The following DHRSX variants were observed in gnomAD, a reference collection of about 807,000 sequenced individuals.
The protein encoded by DHRSX is dehydrogenase/reductase X-linked.
In DHRSX, 31 loss-of-function variants were observed where a neutral mutation model predicts 34.0. The ratio of observed to expected loss-of-function variants is 0.91; its 90% CI spans 0.69 to 1.23. The LOEUF (loss-of-function observed/expected upper bound fraction) is 1.23, where lower values mean the gene tolerates loss of function less well. DHRSX is among the 50% of genes most tolerant of loss of function. DHRSX has a pLI of 0.00. For missense variants in DHRSX, 414 were observed against 428.1 expected (o/e 0.97, Z 0.29); for synonymous variants, 201 against 183.8 (o/e 1.09, Z -0.76).
chrX:2,493,707 C>T (rs1037041148), intron 1 of DHRSX, among the ~76,000 whole-genome samples: 4 of 152,082 alleles, frequency 2.6e-5, no homozygotes, highest in African/African-American at 7.2e-5. Context: ...CAGCGGCTCA[C>T]GCCTGTACTC....
chrX:2,470,116 A>G (rs1049534914), intron 1 of DHRSX, among the ~76,000 whole-genome samples: 3 of 151,272 alleles, frequency 2.0e-5, no homozygotes, highest in Admixed American at 6.7e-5. Flanking sequence ...GGACTGGAAG[A>G]TACAATGTGA....
At chrX:2,306,357 T>C (rs1165938488) in intron 3 of DHRSX, among the ~76,000 whole-genome samples, 1 of 151,984 alleles carries the variant, frequency 6.6e-6, no homozygotes, top group South Asian at 2.1e-4. Context: ...GGCAGAATGC[T>C]CACTGGGTGC....
intron 1 of DHRSX, among the ~76,000 whole-genome samples, chrX:2,444,305 C>T (rs2044100336): frequency 6.6e-6 from 1 of 152,186 alleles, no homozygotes; most frequent in Non-Finnish European, 1.5e-5. Flanking sequence ...ACTCTCAGCT[C>T]ACAGGCTTTC....
In DHRSX at chrX:2,343,630, G is replaced by A. The variant is rs775816544; in HGVS notation, c.287-52027C>T. On this transcript the variant is annotated intron_variant, in intron 3 of 6. Transcript: ENST00000334651. ...TTGTAATCATTACGCAGCATCCACC[G>A]CAAAAGGCTCTGCCCCACTGATATC... Among the ~76,000 whole-genome samples, 8 of 152,212 alleles carry A rather than the reference G, an allele frequency of 5.3e-5. No homozygotes were observed. In the South Asian group the frequency reaches 8.3e-4, roughly 16 times the overall value.
chrX:2,489,774 GGCAGCGCGACA>G, intron 1 of DHRSX: 3 of 1,613,368 alleles, frequency 1.9e-6, no homozygotes, highest in Non-Finnish European at 2.5e-6. Flanking sequence ...ACCAGTTTGC[GGCAGCGCGACA>G]GCAGCGCCCC....
intron 2 of DHRSX, among the ~76,000 whole-genome samples, chrX:2,421,306 G>T (rs986795169): frequency 1.3e-5 from 2 of 152,172 alleles, no homozygotes; most frequent in African/African-American, 4.8e-5. Context: ...CTTGAGCCCA[G>T]GAGGCAGAGG....
intron 5 of DHRSX, among the ~76,000 whole-genome samples, chrX:2,259,367 T>TATAG (rs1569480936): frequency 3.7e-5 from 3 of 80,326 alleles, no homozygotes; most frequent in African/African-American, 8.6e-5. Flanking sequence ...TAGATATAGA[T>TATAG]ATATATAGAT....
intron 1 of DHRSX, among the ~76,000 whole-genome samples, chrX:2,481,815 C>T (rs28706649): frequency 0.22 from 32,663 of 149,460 alleles, 4,951 homozygotes; most frequent in African/African-American, 0.44. Flanking sequence ...ATCAGGCTGT[C>T]CCCTAACACA....
At chrX:2,283,769 T>C (rs2041763845) in intron 4 of DHRSX, among the ~76,000 whole-genome samples, 1 of 152,278 alleles carries the variant, frequency 6.6e-6, no homozygotes. Flanking sequence ...TTCCATTCAT[T>C]CATTTGCATC....
chrX:2,320,149 C>T (rs2042290741), intron 3 of DHRSX, among the ~76,000 whole-genome samples: 2 of 151,060 alleles, frequency 1.3e-5, no homozygotes, highest in African/African-American at 4.9e-5. Flanking sequence ...TATTTTGTGC[C>T]ACGTGATAAA....
At chrX:2,471,522 C>T (rs186863493) in intron 1 of DHRSX, among the ~76,000 whole-genome samples, 1 of 151,768 alleles carries the variant, frequency 6.6e-6, no homozygotes, top group Non-Finnish European at 1.5e-5. Flanking sequence ...CGAGATTGAG[C>T]CATTGCACTG....
chrX:2,467,980 AT>A (rs372430170), intron 1 of DHRSX, among the ~76,000 whole-genome samples: 9 of 72,572 alleles, frequency 1.2e-4, no homozygotes, highest in Non-Finnish European at 1.7e-4. Flanking sequence ...AAAAAAAAAA[AT>A]GTTGGACCAA....
chrX:2,429,088 G>A (rs1319752776), intron 1 of DHRSX, among the ~76,000 whole-genome samples: 1 of 152,118 alleles, frequency 6.6e-6, no homozygotes, highest in Non-Finnish European at 1.5e-5. Flanking sequence ...TTTTCCATAT[G>A]CTTAGGTTTT....
intron 3 of DHRSX, among the ~76,000 whole-genome samples, chrX:2,379,632 G>C (rs7473013): frequency 0.24 from 30,749 of 130,768 alleles, 4,654 homozygotes; most frequent in Non-Finnish European, 0.36. Flanking sequence ...TGATGCTGCT[G>C]TTTCTTAAAA....
chrX:2,435,535 G>A (rs1441686202), intron 1 of DHRSX, among the ~76,000 whole-genome samples: 1 of 151,744 alleles, frequency 6.6e-6, no homozygotes, highest in African/African-American at 2.4e-5. Flanking sequence ...AGGTCAGGGT[G>A]AGACAATCAC....
intron 3 of DHRSX, among the ~76,000 whole-genome samples, chrX:2,397,862 C>G (rs987263972): frequency 1.2e-4 from 19 of 152,010 alleles, no homozygotes; most frequent in Non-Finnish European, 4.4e-5. Flanking sequence ...AAGTCGGCGG[C>G]AAGTGGAAGC....
At chrX:2,233,608 A>AC (rs2015947727) in intron 6 of DHRSX, among the ~76,000 whole-genome samples, 1 of 152,114 alleles carries the variant, frequency 6.6e-6, no homozygotes, top group Non-Finnish European at 1.5e-5. Context: ...AGCTACAGAA[A>AC]CCATTTCAAC....
intron 3 of DHRSX, among the ~76,000 whole-genome samples, chrX:2,347,986 C>G (rs1435730028): frequency 6.6e-6 from 1 of 152,162 alleles, no homozygotes; most frequent in Non-Finnish European, 1.5e-5. Context: ...CCAGAAACCC[C>G]ATACACCCAT....
Position 2,241,477 on chromosome X carries a change from T to C in DHRSX, c.804+1546A>G, listed in dbSNP as rs574730149. 7.2e-5 allele frequency among the ~76,000 whole-genome samples: 11 copies of C among 152,244 alleles called. 1 individual carries two copies. Among genetic ancestry groups the C allele is most frequent in the African/African-American group, 2.6e-4 (11 of 41,554 alleles). On this transcript the variant is annotated intron_variant, in intron 6 of 6. Coordinates refer to ENST00000334651, the MANE Select transcript of DHRSX (RefSeq NM_145177.3). ...ATGTCAAAGAAGGAAAAATGACCAGTGTCCCCTTCCCTGAGTTTCTGAACC... is the reference window on the plus strand; with the variant it reads ...ATGTCAAAGAAGGAAAAATGACCAGCGTCCCCTTCCCTGAGTTTCTGAACC...
Sources: gnomAD v4.1 joint callset for allele counts (sites outside exome capture counted in the v4.1 genomes callset) on GRCh38, gnomAD v4.1.1 for gene constraint, MANE v1.5 for transcripts, NCBI Gene and HGNC (gene_info 2026-07-23, HGNC 2026-07-21) for gene names.